Variants in GPR89B observed in about 807,000 individuals in gnomAD.
The protein encoded by GPR89B is golgi pH regulator B.
In GPR89B, 25 loss-of-function variants were observed where a neutral mutation model predicts 52.4. The ratio of observed to expected loss-of-function variants is 0.48; its 90% CI spans 0.35 to 0.67. The LOEUF is 0.67. GPR89B is among the 30% of genes least tolerant of loss of function. The pLI, the probability that GPR89B is intolerant of heterozygous loss-of-function variation, is 0.01. For synonymous variants in GPR89B, 52 were observed against 151.2 expected, an observed-to-expected ratio of 0.34 and a Z score of 4.81; for missense variants, 146 against 450.2, an observed-to-expected ratio of 0.32 and a Z score of 6.11.
chr1:147,982,178 G>A (rs1382221036), intron 10 of GPR89B, among the ~76,000 whole-genome samples: 1 of 151,776 alleles, frequency 6.6e-6, no homozygotes, highest in Non-Finnish European at 1.5e-5. Context: ...TCCTGCCTCA[G>A]TGTCCCAAGT....
intron 7 of GPR89B, among the ~76,000 whole-genome samples, chr1:147,961,325 G>A (rs1656539016): frequency 6.6e-6 from 1 of 151,700 alleles, no homozygotes; most frequent in South Asian, 2.1e-4. Context: ...AAAAAGCATT[G>A]AAAGAAATAC....
chr1:147,950,041 TC>T (rs1320749799), intron 5 of GPR89B, among the ~76,000 whole-genome samples: 2 of 140,682 alleles, frequency 1.4e-5, no homozygotes, highest in Admixed American at 6.9e-5. Context: ...CCCACCTCCC[TC>T]CCGGACGGGG....
Position 147,959,812 on chromosome 1 carries a change from A to G in GPR89B, c.617+5410A>G, listed in dbSNP as rs1656399353. On this transcript the variant is annotated intron_variant, in intron 7 of 13. Transcript: ENST00000314163. ...TGAACTGCTTCTTGGTGCGATTTGCAAGGTTGCTGTGCCTTTGATTGAGTG... is the reference window on the plus strand; with the variant it reads ...TGAACTGCTTCTTGGTGCGATTTGCGAGGTTGCTGTGCCTTTGATTGAGTG... 3.9e-5 allele frequency among the ~76,000 whole-genome samples: 6 copies of G among 152,052 alleles called. No individual in the cohort carries two copies. The South Asian group carries it at 1.2e-3, about 32-fold the overall frequency.
chr1:147,991,042 A>G (rs1254575521), intron 12 of GPR89B, among the ~76,000 whole-genome samples: 2 of 151,242 alleles, frequency 1.3e-5, no homozygotes, highest in Non-Finnish European at 2.9e-5. Context: ...CTTGGGCAGT[A>G]TGGCCATTTT....
the GPR89B span, chr1:148,012,105 A>G: frequency 6.6e-6 from 1 of 152,136 alleles, no homozygotes; most frequent in African/African-American, 2.4e-5. Context: ...TTGTCTTTCT[A>G]TATTTTGAGT....
intron 7 of GPR89B, among the ~76,000 whole-genome samples, chr1:147,960,406 A>G (rs1656446175): frequency 6.6e-6 from 1 of 152,106 alleles, no homozygotes; most frequent in Non-Finnish European, 1.5e-5. Flanking sequence ...GAAGGAAAGC[A>G]TGATACAAGT....
intron 1 of GPR89B, 118 bp from the exon 2 acceptor site, chr1:147,936,509 T>C (rs1654102349): frequency 1.4e-6 from 1 of 718,912 alleles, no homozygotes; most frequent in African/African-American, 1.7e-5. Flanking sequence ...GGATCTTATC[T>C]TTAATCCCTG....
At chr1:148,002,964 CT>C in the GPR89B span, among the ~76,000 whole-genome samples, 1 of 152,146 alleles carries the variant, frequency 6.6e-6, no homozygotes, top group Admixed American at 6.5e-5. Context: ...AAAGCTTACT[CT>C]AACGTTGAAT....
intron 5 of GPR89B, among the ~76,000 whole-genome samples, chr1:147,949,721 G>A (rs1299232413): frequency 4.5e-5 from 6 of 134,660 alleles, no homozygotes; most frequent in African/African-American, 1.2e-4. Flanking sequence ...GGGCAGAGGG[G>A]ATCCTCACTT....
chr1:148,001,000 T>C, the GPR89B span, among the ~76,000 whole-genome samples: 1 of 100,830 alleles, frequency 9.9e-6, no homozygotes. Flanking sequence ...GCTTAAAATC[T>C]AATTGTTTCC....
rs1362430332 is a variant in GPR89B at position 147,945,493 on chromosome 1, T to A, written c.415+1395T>A. Among the ~76,000 whole-genome samples, 51 of 152,184 alleles carry A rather than the reference T, an allele frequency of 3.4e-4. 1 individual carries two copies. The highest frequency in any genetic ancestry group is 4.4e-5 in the Non-Finnish European group (3 of 68,030). ...GTTATGAGACTCTCCTGCAGTAAGATCAGAGGAGATATGCAGTTTTGAAAA... is the reference window on the plus strand; with the variant it reads ...GTTATGAGACTCTCCTGCAGTAAGAACAGAGGAGATATGCAGTTTTGAAAA... On this transcript the variant is annotated intron_variant, in intron 5 of 13. Transcript: ENST00000314163.
chr1:147,982,303 AC>A (rs1371870714), intron 10 of GPR89B, among the ~76,000 whole-genome samples: 2 of 150,898 alleles, frequency 1.3e-5, no homozygotes, highest in African/African-American at 4.9e-5. Flanking sequence ...CTTGTGATCT[AC>A]CCGCCTCAGC....
intron 10 of GPR89B, among the ~76,000 whole-genome samples, chr1:147,978,290 A>G (rs1166633309): frequency 6.6e-6 from 1 of 151,416 alleles, no homozygotes; most frequent in African/African-American, 2.4e-5. Flanking sequence ...TCCATACCCT[A>G]CTCGCCTGGG....
chr1:147,982,330 G>A (rs1273369331), intron 10 of GPR89B, among the ~76,000 whole-genome samples: 1 of 151,594 alleles, frequency 6.6e-6, no homozygotes, highest in Non-Finnish European at 1.5e-5. Flanking sequence ...AAAGTGCTAG[G>A]ATTACAGGCA....
At chr1:147,999,384 G>A in the GPR89B span, among the ~76,000 whole-genome samples, 3 of 149,690 alleles carry the variant, frequency 2.0e-5, no homozygotes, top group Non-Finnish European at 4.5e-5. Flanking sequence ...CGAGGCGGGC[G>A]GATCACAAGG....
intron 10 of GPR89B, among the ~76,000 whole-genome samples, chr1:147,972,425 C>A (rs1657539974): frequency 6.7e-6 from 1 of 150,342 alleles, no homozygotes; most frequent in Non-Finnish European, 1.5e-5. Flanking sequence ...AAAATTGTAT[C>A]ATTTACATTT....
chr1:148,021,407 C>A, the GPR89B span, among the ~76,000 whole-genome samples: 31 of 151,872 alleles, frequency 2.0e-4, no homozygotes, highest in African/African-American at 3.9e-4. Context: ...GAGGCCGAGG[C>A]GGGAGAATGG....
intron 5 of GPR89B, among the ~76,000 whole-genome samples, chr1:147,950,645 T>G (rs1655589890): frequency 6.6e-6 from 1 of 152,120 alleles, no homozygotes; most frequent in Non-Finnish European, 1.5e-5. Flanking sequence ...TGGGCACCAT[T>G]GAGCACTGAG....
chr1:147,952,999 T>G (rs1655841575), intron 5 of GPR89B, among the ~76,000 whole-genome samples: 2 of 141,294 alleles, frequency 1.4e-5, no homozygotes, highest in Admixed American at 6.8e-5. Flanking sequence ...CTTTCTTAGT[T>G]TTTTTTTTTT....
Sources: allele counts gnomAD v4.1 joint callset (sites outside exome capture counted in the v4.1 genomes callset), GRCh38; gene constraint gnomAD v4.1.1; transcripts MANE v1.5; gene names NCBI Gene and HGNC (gene_info 2026-07-23, HGNC 2026-07-21).